The following USP10 variants were observed in gnomAD, a reference collection of about 807,000 sequenced individuals.
USP10 encodes ubiquitin carboxyl-terminal hydrolase 10.
A neutral mutation model predicts 84.5 loss-of-function variants in USP10; 22 were observed. The ratio of observed to expected loss-of-function variants is 0.26; its 90% CI spans 0.19 to 0.37. The LOEUF (loss-of-function observed/expected upper bound fraction) is 0.37, where lower values mean the gene tolerates loss of function less well. USP10 is among the 10% of genes least tolerant of loss of function. The pLI, the probability that USP10 is intolerant of heterozygous loss-of-function variation, is 1.00. For missense variants in USP10, 1,019 were observed against 998.9 expected, an observed-to-expected ratio of 1.02 and a Z score of -0.27; for synonymous variants, 454 against 387.6, an observed-to-expected ratio of 1.17 and a Z score of -2.01.
chr16:84,741,468 A>T (rs539002023), intron 3 of USP10, among the ~76,000 whole-genome samples: 1 of 152,292 alleles, frequency 6.6e-6, no homozygotes, highest in South Asian at 2.1e-4. Flanking sequence ...CTCATGTTGA[A>T]CCAGTGCTTA....
chr16:84,774,748 C>T (rs538308909), intron 12 of USP10, among the ~76,000 whole-genome samples: 114 of 152,292 alleles, frequency 7.5e-4, no homozygotes, highest in Non-Finnish European at 1.1e-3. Flanking sequence ...GGATTACAGG[C>T]GTGAGCCACC....
intron 13 of USP10, 147 bp downstream of exon 13, chr16:84,775,372 G>A (rs757655093): frequency 9.8e-6 from 7 of 712,504 alleles, no homozygotes; most frequent in Non-Finnish European, 1.7e-5. Flanking sequence ...AGTCACGTGA[G>A]AGTTTTACCT....
rs1567624719 is a variant in USP10 at position 84,745,652 on chromosome 16, C to G, written c.1171C>G (p.Pro391Ala). 6.2e-7 allele frequency: 1 copy of G among 1,611,126 alleles called. No individual in the cohort carries two copies. Among genetic ancestry groups the G allele is most frequent in the Non-Finnish European group, 8.5e-7 (1 of 1,178,784 alleles). Residue 391 changes from proline (P) to alanine (A), a missense_variant, in exon 4 of 14, where the codon CCT becomes GCT. Physicochemically the swap from Pro to Ala is conservative, Grantham distance 27 (BLOSUM62 -1). Around this residue, in one of 2 missense-constraint regions of USP10, gnomAD observed 787 missense variants for 708.8 expected, o/e 1.11. Transcript: ENST00000219473. ...AGGGCTTGTTCCGGTTTCAGAGGAT[C>G]CTGTAGCCATAAAGATTGCAGGTAT... The part of the protein sequence containing the change: ...KEGLVPVSED[P>A]VAIKIAELLE...
chr16:84,725,077 G>A (rs1439670715), intron 1 of USP10, among the ~76,000 whole-genome samples: 1 of 152,128 alleles, frequency 6.6e-6, no homozygotes, highest in African/African-American at 2.4e-5. Context: ...GAATAAATAT[G>A]CATTTCAGTG....
intron 1 of USP10, among the ~76,000 whole-genome samples, chr16:84,721,210 G>A (rs1297348114): frequency 1.3e-5 from 2 of 152,144 alleles, no homozygotes; most frequent in East Asian, 1.9e-4. Context: ...GAATTTTTAA[G>A]ATGATGTTGT....
chr16:84,733,677 T>G (rs949201630), intron 2 of USP10, among the ~76,000 whole-genome samples, 174 bp downstream of exon 2: 1 of 152,218 alleles, frequency 6.6e-6, no homozygotes, highest in African/African-American at 2.4e-5. Context: ...ATTTGACATT[T>G]TGCTGTATTT....
At chr16:84,711,839 C>T (rs1906347095) in intron 1 of USP10, among the ~76,000 whole-genome samples, 1 of 151,566 alleles carries the variant, frequency 6.6e-6, no homozygotes, top group Non-Finnish European at 1.5e-5. Flanking sequence ...CTGGCCTCAG[C>T]CTCCTGAGTA....
intron 1 of USP10, among the ~76,000 whole-genome samples, chr16:84,704,341 T>TA (rs758113593): frequency 2.0e-4 from 30 of 152,256 alleles, no homozygotes; most frequent in Non-Finnish European, 3.2e-4. Context: ...ATTAGGCTGT[T>TA]ACTTTTCTAT....
intron 12 of USP10, among the ~76,000 whole-genome samples, 190 bp downstream of exon 12, chr16:84,772,875 T>C (rs926279622): frequency 3.9e-5 from 6 of 152,132 alleles, no homozygotes; most frequent in Admixed American, 3.9e-4. Flanking sequence ...CTGTTGAAAA[T>C]AGAGGCAAAA....
intron 13 of USP10, among the ~76,000 whole-genome samples, chr16:84,776,155 A>G (rs546363722): frequency 2.6e-5 from 4 of 152,328 alleles, no homozygotes; most frequent in African/African-American, 7.2e-5. Flanking sequence ...ATAAAAGAAT[A>G]AACCAGAACT....
At position 84,760,025 on chromosome 16, in the gene USP10, G is replaced by A. The variant is rs552987198; in HGVS notation, c.1450+79G>A. 68 of 1,565,536 alleles carry A rather than the reference G, an allele frequency of 4.3e-5. No homozygotes were observed. In the African/African-American group the frequency reaches 6.6e-4, roughly 15 times the overall value. On this transcript the variant is annotated intron_variant, in intron 7 of 13. Transcript: ENST00000219473. ...AGATGACTTAAATTTGGTAAATTCA[G>A]TCTTGTTGGGAAGATAGTGTCTTTA... is the stretch of plus-strand genomic sequence containing the variant.
intron 2 of USP10, among the ~76,000 whole-genome samples, chr16:84,739,018 A>G (rs1203438223): frequency 6.6e-6 from 1 of 151,418 alleles, no homozygotes; most frequent in Admixed American, 6.6e-5. Context: ...GCCCTCAGGT[A>G]GCAGTTTATC....
At chr16:84,700,249 C>A in intron 1 of USP10, 138 bp downstream of exon 1, 1 of 714,226 alleles carries the variant, frequency 1.4e-6, no homozygotes, top group Non-Finnish European at 1.8e-6. Context: ...CTGCCCGGGC[C>A]TAGGCCGGAG....
At chr16:84,715,138 C>G (rs967864885) in intron 1 of USP10, among the ~76,000 whole-genome samples, 8 of 152,130 alleles carry the variant, frequency 5.3e-5, no homozygotes, top group Admixed American at 4.6e-4. Flanking sequence ...CCATATTGGC[C>G]GGTCTGGTCT....
chr16:84,720,504 T>C (rs1461865321), intron 1 of USP10, among the ~76,000 whole-genome samples: 2 of 150,904 alleles, frequency 1.3e-5, no homozygotes, highest in African/African-American at 4.9e-5. Flanking sequence ...GACTGAGTAA[T>C]GATGGGACAG....
chr16:84,733,379 G>A, intron 1 of USP10, 56 bp from the exon 2 acceptor site: 1 of 1,365,246 alleles, frequency 7.3e-7, no homozygotes, highest in South Asian at 1.3e-5. Flanking sequence ...CATTTTTTCT[G>A]AAAGTATATA....
chr16:84,763,605 C>T (rs1913464508), intron 9 of USP10, among the ~76,000 whole-genome samples: 1 of 152,236 alleles, frequency 6.6e-6, no homozygotes, highest in Non-Finnish European at 1.5e-5. Flanking sequence ...CTTTGCAGAG[C>T]ATCTTCAAAT....
At chr16:84,714,474 G>A (rs1049809373) in intron 1 of USP10, among the ~76,000 whole-genome samples, 8 of 151,294 alleles carry the variant, frequency 5.3e-5, no homozygotes, top group Admixed American at 3.9e-4. Context: ...GTGCGCCACC[G>A]TGCACGGCTT....
chr16:84,719,973 T>C (rs1421542623), intron 1 of USP10, among the ~76,000 whole-genome samples: 1 of 152,238 alleles, frequency 6.6e-6, no homozygotes, highest in Non-Finnish European at 1.5e-5. Context: ...GCTTTTTACT[T>C]CTTCAACCAA....
Sources: allele counts gnomAD v4.1 joint callset (sites outside exome capture counted in the v4.1 genomes callset), GRCh38; gene constraint gnomAD v4.1.1; regional missense constraint gnomAD v4.1.1; transcripts MANE v1.5; gene names NCBI Gene and HGNC (gene_info 2026-07-23, HGNC 2026-07-21).